Variants in STAU2 observed in about 807,000 individuals in gnomAD.
The protein encoded by STAU2 is double-stranded RNA-binding protein Staufen homolog 2.
STAU2 carries 20 observed loss-of-function variants against 65.9 expected under a neutral mutation model. That is an observed-to-expected ratio of 0.30 (90% CI 0.21 to 0.44). The LOEUF (loss-of-function observed/expected upper bound fraction) is 0.44. Among genes scored for constraint, STAU2 ranks in the 20% least tolerant of loss-of-function variants. STAU2 has a pLI of 1.00. For synonymous variants in STAU2, 232 were observed against 233.9 expected (o/e 0.99, Z 0.07); for missense variants, 558 against 683.9 (o/e 0.82, Z 2.05).
chr8:73,737,768 T>C (rs774584431), intron 3 of STAU2, among the ~76,000 whole-genome samples: 2 of 151,944 alleles, frequency 1.3e-5, no homozygotes, highest in Non-Finnish European at 1.5e-5. Context: ...TAAAATTAAA[T>C]GTATAAAGTT....
chr8:73,643,357 AAG>A (rs1235886004), intron 6 of STAU2, among the ~76,000 whole-genome samples: 1 of 152,184 alleles, frequency 6.6e-6, no homozygotes, highest in Admixed American at 6.5e-5. Context: ...ACACACATAC[AAG>A]AAGGAAATCA....
intron 11 of STAU2, chr8:73,590,516 C>T (rs1444731968): frequency 6.6e-6 from 1 of 152,076 alleles, no homozygotes; most frequent in Non-Finnish European, 1.5e-5. Flanking sequence ...TCATTGGAGG[C>T]TTAAAAAAGA....
At chr8:73,512,213 C>T (rs1336870258) in intron 13 of STAU2, among the ~76,000 whole-genome samples, 7 of 152,148 alleles carry the variant, frequency 4.6e-5, no homozygotes, top group Non-Finnish European at 1.0e-4. Flanking sequence ...CTTTTCAAAA[C>T]TGTTTTAGCG....
intron 3 of STAU2, among the ~76,000 whole-genome samples, chr8:73,725,198 TTA>T (rs1805538352): frequency 6.6e-6 from 1 of 152,196 alleles, no homozygotes; most frequent in East Asian, 1.9e-4. Context: ...TACTGTTTTG[TTA>T]TGTTTTTGTC....
intron 6 of STAU2, among the ~76,000 whole-genome samples, chr8:73,628,670 A>G (rs966728087): frequency 6.6e-6 from 1 of 152,218 alleles, no homozygotes; most frequent in Non-Finnish European, 1.5e-5. Context: ...GTCCACAAGC[A>G]TATGTTTTTG....
chr8:73,596,152 T>C (rs1368941082), intron 10 of STAU2, among the ~76,000 whole-genome samples: 2 of 151,576 alleles, frequency 1.3e-5, no homozygotes, highest in South Asian at 2.1e-4. Context: ...GATTGGGATA[T>C]GAAACTCAAC....
chr8:73,719,617 T>C (rs1821500937), intron 3 of STAU2, among the ~76,000 whole-genome samples: 1 of 152,218 alleles, frequency 6.6e-6, no homozygotes, highest in African/African-American at 2.4e-5. Flanking sequence ...TAAATTACAC[T>C]ACTGATTTTT....
chr8:73,739,797 T>C lies in STAU2; in HGVS notation c.-125A>G, dbSNP rs1439609834. ...CAAATTACTTTGTGTATCTTTGAGTTCTTCTTTTTCTGTCTTCTTTTTTTT... is the reference window on the plus strand; with the variant it reads ...CAAATTACTTTGTGTATCTTTGAGTCCTTCTTTTTCTGTCTTCTTTTTTTT... On this transcript the variant is annotated 5_prime_UTR_variant, in exon 2 of 15. Coordinates refer to ENST00000524300, the MANE Select transcript of STAU2 (RefSeq NM_001164380.2). 6.6e-7 allele frequency: 1 copy of C among 1,526,046 alleles called. No homozygotes were observed. Among genetic ancestry groups the C allele is most frequent in the South Asian group, 1.2e-5 (1 of 82,398 alleles). The allele number at this position is 1,526,046 out of a possible 1,614,324, so 94.5% of individuals were successfully genotyped here.
chr8:73,624,327 G>A (rs1813485650), intron 6 of STAU2, among the ~76,000 whole-genome samples: 1 of 152,142 alleles, frequency 6.6e-6, no homozygotes, highest in Admixed American at 6.5e-5. Context: ...GCAAAGCACA[G>A]CACGTTATCA....
intron 3 of STAU2, among the ~76,000 whole-genome samples, chr8:73,717,252 A>G (rs1281162293): frequency 1.3e-5 from 2 of 152,166 alleles, no homozygotes; most frequent in Admixed American, 1.3e-4. Context: ...TTATTCTCTT[A>G]CCAGTGTCTT....
At chr8:73,503,797 G>A (rs1466653343) in intron 13 of STAU2, among the ~76,000 whole-genome samples, 1 of 152,044 alleles carries the variant, frequency 6.6e-6, no homozygotes, top group Non-Finnish European at 1.5e-5. Flanking sequence ...ACTGAGAAAT[G>A]TTCCCCTAAA....
intron 2 of STAU2, among the ~76,000 whole-genome samples, chr8:73,738,911 T>A (rs1442951176): frequency 6.6e-6 from 1 of 152,212 alleles, no homozygotes; most frequent in Non-Finnish European, 1.5e-5. Flanking sequence ...TTTTTCTCTG[T>A]CATTTTGTCT....
At chr8:73,642,197 C>G (rs989416761) in intron 6 of STAU2, among the ~76,000 whole-genome samples, 7 of 152,194 alleles carry the variant, frequency 4.6e-5, no homozygotes, top group African/African-American at 1.4e-4. Flanking sequence ...TACTGCTTCT[C>G]TATGCAAACA....
At chr8:73,616,068 TG>T (rs1338415027) in intron 7 of STAU2, among the ~76,000 whole-genome samples, 6 of 152,172 alleles carry the variant, frequency 3.9e-5, no homozygotes, top group Non-Finnish European at 5.9e-5. Flanking sequence ...TCCCTAAACC[TG>T]GCACTCTTGT....
intron 6 of STAU2, among the ~76,000 whole-genome samples, chr8:73,633,377 A>G (rs1814244796): frequency 6.6e-6 from 1 of 152,192 alleles, no homozygotes; most frequent in Non-Finnish European, 1.5e-5. Flanking sequence ...TCTCAACTTA[A>G]AAGTGAATGA....
chr8:73,535,958 T>A (rs1806152393), intron 13 of STAU2, among the ~76,000 whole-genome samples: 1 of 151,658 alleles, frequency 6.6e-6, no homozygotes, highest in South Asian at 2.1e-4. Context: ...ACTTAATTCA[T>A]AATGGCATTT....
At position 73,709,183 on chromosome 8, in the gene STAU2, A is replaced by C. The variant is rs1820720124; in HGVS notation, c.-17-21T>G. The C allele has an allele frequency of 2.0e-6, 3 of 1,480,902 alleles. No homozygotes were observed. The African/African-American group carries it at 4.2e-5, about 21-fold the overall frequency. 91.7% of individuals were successfully genotyped at this position (1,480,902 alleles called of 1,614,324 possible). Reference sequence around the variant, plus strand: ...AGAAGCTGTAAATAAAAAGGCTATAAAGTTTTTGTGAAGAATGACTTTACA... The same window carrying C: ...AGAAGCTGTAAATAAAAAGGCTATACAGTTTTTGTGAAGAATGACTTTACA... On this transcript the variant is annotated intron_variant, in intron 3 of 14. Transcript: ENST00000524300.
In STAU2 at chr8:73,709,163, C is replaced by T. The variant is rs1256934169; in HGVS notation, c.-17-1G>A. The T allele has an allele frequency of 6.6e-7, 1 of 1,506,392 alleles. No homozygotes were observed. Among genetic ancestry groups the T allele is most frequent in the African/African-American group, 1.4e-5 (1 of 71,732 alleles). The allele number at this position is 1,506,392 out of a possible 1,614,324, so 93.3% of individuals were successfully genotyped here. The stretch of plus-strand genomic sequence containing the variant: ...TTTGCCATTTTATCTTGGAGAGAAG[C>T]TGTAAATAAAAAGGCTATAAAGTTT... On this transcript the variant is annotated splice_acceptor_variant, in intron 3 of 14. Transcript: ENST00000524300. LOFTEE classifies it low-confidence loss of function (5UTR_SPLICE).
rs1554594408 is a variant in STAU2 at position 73,471,817 on chromosome 8, T to TTAAAA, written c.1531-49116_1531-49115insTTTTA. Among the ~76,000 whole-genome samples, 406 of 86,806 alleles carry TTAAAA rather than the reference T, an allele frequency of 4.7e-3. 5 individuals are homozygous for TTAAAA. The highest frequency in any genetic ancestry group is 0.017 in the African/African-American group (373 of 21,456). 56.9% of individuals were successfully genotyped at this position (86,806 alleles called of 152,430 possible). ...TGGGCAACAAGGGCGAGACTCCAAC[T>TTAAAA]AAAAAAAAAAAAAAAAAAAAGAGAG... is the stretch of plus-strand genomic sequence containing the variant. On this transcript the variant is annotated intron_variant, in intron 13 of 14. Transcript: ENST00000524300.
Sources: allele counts gnomAD v4.1 joint callset (sites outside exome capture counted in the v4.1 genomes callset), GRCh38; gene constraint gnomAD v4.1.1; transcripts MANE v1.5; gene names NCBI Gene and HGNC (gene_info 2026-07-23, HGNC 2026-07-21).